Variants in MYL9 observed in about 807,000 individuals in gnomAD.
MYL9 encodes myosin regulatory light polypeptide 9.
MYL9 carries 7 observed loss-of-function variants against 12.8 expected under a neutral mutation model. The observed-to-expected ratio is 0.55, with a 90% CI of 0.31 to 1.03. The LOEUF (loss-of-function observed/expected upper bound fraction) is 1.03. Ranked by LOEUF, MYL9 falls within the 50% of genes least tolerant of loss-of-function variation. The pLI is 0.05. For synonymous variants in MYL9, 81 were observed against 87.8 expected, an observed-to-expected ratio of 0.92 and a Z score of 0.43; for missense variants, 190 against 242.7, an observed-to-expected ratio of 0.78 and a Z score of 1.44.
intron 1 of MYL9, among the ~76,000 whole-genome samples, chr20:36,541,909 CA>C (rs1299069431): frequency 1.3e-4 from 20 of 152,092 alleles, no homozygotes; most frequent in Admixed American, 1.3e-3. Context: ...AGCCCGGGTA[CA>C]AGGGTGCTGG....
At chr20:36,545,961 A>C (rs1569529636) in intron 2 of MYL9, among the ~76,000 whole-genome samples, 3 of 152,164 alleles carry the variant, frequency 2.0e-5, no homozygotes. Context: ...CATCTAAATG[A>C]AAGTGTGAAC....
intron 2 of MYL9, among the ~76,000 whole-genome samples, chr20:36,546,318 G>A (rs2038099407): frequency 6.6e-6 from 1 of 152,206 alleles, no homozygotes; most frequent in South Asian, 2.1e-4. Context: ...CACTGCCTGG[G>A]GGAGGGAGAG....
chr20:36,546,770 C>T (rs914410370), intron 2 of MYL9, among the ~76,000 whole-genome samples: 4 of 152,110 alleles, frequency 2.6e-5, no homozygotes, highest in African/African-American at 4.8e-5. Context: ...CCACCATGCC[C>T]GGCTAATTTT....
chr20:36,541,977 A>T (rs2038042464), intron 1 of MYL9, among the ~76,000 whole-genome samples: 1 of 151,986 alleles, frequency 6.6e-6, no homozygotes, highest in Non-Finnish European at 1.5e-5. Flanking sequence ...TGTGTCACAG[A>T]TGGAGAAACA....
rs752393087 is a variant in MYL9, at chr20:36,544,880, C to T, written c.-5C>T. 3.1e-6 allele frequency: 5 copies of T among 1,611,862 alleles called. No individual in the cohort carries two copies. Among genetic ancestry groups the T allele is most frequent in the East Asian group, 2.2e-5 (1 of 44,850 alleles). On this transcript the variant is annotated 5_prime_UTR_variant, in exon 2 of 4. Transcript: ENST00000279022. ...GCAGGGAAGCCCCACCCACCAGAAGCCAAGATGTCCAGCAAGCGGGCCAAA... is the reference window on the plus strand; with the variant it reads ...GCAGGGAAGCCCCACCCACCAGAAGTCAAGATGTCCAGCAAGCGGGCCAAA...
At chr20:36,545,157 C>T (rs779526834) in intron 2 of MYL9, 89 bp downstream of exon 2, 25 of 1,409,536 alleles carry the variant, frequency 1.8e-5, no homozygotes, top group Middle Eastern at 1.9e-4. Context: ...TAGTGAGACG[C>T]GTGGTGTCCA....
At chr20:36,545,223 C>G (rs376771874) in intron 2 of MYL9, among the ~76,000 whole-genome samples, 155 bp downstream of exon 2, 2 of 152,188 alleles carry the variant, frequency 1.3e-5, no homozygotes, top group African/African-American at 4.8e-5. Context: ...CTGGGCCGGG[C>G]GCGGTGGCTC....
At chr20:36,545,746 T>C (rs370057439) in intron 2 of MYL9, among the ~76,000 whole-genome samples, 22 of 151,584 alleles carry the variant, frequency 1.5e-4, no homozygotes, top group East Asian at 5.9e-4. Context: ...CTGGCTAACA[T>C]GGTGAAACCC....
At chr20:36,547,916 T>TAC in intron 2 of MYL9, 116 bp from the exon 3 acceptor site, 1 of 1,270,098 alleles carries the variant, frequency 7.9e-7, no homozygotes, top group Non-Finnish European at 1.1e-6. Flanking sequence ...CAAAACCCAC[T>TAC]ACCTCCCGTC....
chr20:36,544,779 C>A, intron 1 of MYL9, 80 bp from the exon 2 acceptor site: 1 of 1,282,398 alleles, frequency 7.8e-7, no homozygotes. Context: ...GGCCGAAGTG[C>A]TAAAAGCCAG....
chr20:36,544,848 C>G lies in MYL9; in HGVS notation c.-26-11C>G. ...GTCACAGGGCCACCCAACCCCCACC[C>G]CTTCCTGCAGGGAAGCCCCACCCAC... On this transcript the variant is annotated splice_polypyrimidine_tract_variant and intron_variant, in intron 1 of 3. Transcript: ENST00000279022. 6.3e-7 allele frequency: 1 copy of G among 1,585,086 alleles called. No homozygotes were observed. The highest frequency in any genetic ancestry group is 8.6e-7 in the Non-Finnish European group (1 of 1,160,380).
Position 36,548,174 on chromosome 20 carries a change from C to T in MYL9, c.327C>T (p.Cys109=). ...ATGTGATTCGCAACGCCTTTGCCTG[C>T]TTCGACGAGGAAGCCTCAGGTCCGT... The part of the protein sequence containing the change: ...PEDVIRNAFA[C]FDEEASGFIH... Residue 109 remains cysteine (C), a synonymous_variant, in exon 3 of 4, where the codon TGC becomes TGT. Transcript: ENST00000279022. 4 of 1,612,114 alleles carry T rather than the reference C, an allele frequency of 2.5e-6. No homozygotes were observed. The highest frequency in any genetic ancestry group is 3.4e-6 in the Non-Finnish European group (4 of 1,178,738).
Position 36,546,613 on chromosome 20 carries a change from G to A in MYL9, c.185-1419G>A, listed in dbSNP as rs1600747524. Among the ~76,000 whole-genome samples the A allele has an allele frequency of 4.0e-5, 6 of 151,840 alleles. 1 individual carries two copies. In the South Asian group the frequency reaches 1.3e-3, roughly 32 times the overall value. On this transcript the variant is annotated intron_variant, in intron 2 of 3. Coordinates refer to ENST00000279022, the MANE Select transcript of MYL9 (RefSeq NM_006097.5). Reference sequence around the variant, plus strand: ...TCACCTGGCAGGAAGTAAACTCCAGGGTTCTTTTTTTTTCCCCCCGAGACA... The same window carrying A: ...TCACCTGGCAGGAAGTAAACTCCAGAGTTCTTTTTTTTTCCCCCCGAGACA...
chr20:36,549,002 G>A (rs2038137379), intron 3 of MYL9, 75 bp from the exon 4 acceptor site: 5 of 1,449,082 alleles, frequency 3.5e-6, no homozygotes, highest in Admixed American at 4.0e-5. Flanking sequence ...GAGCTGCCAG[G>A]GGGCTGAGGG....
intron 2 of MYL9, among the ~76,000 whole-genome samples, chr20:36,545,995 G>A (rs968053990): frequency 6.6e-6 from 1 of 152,190 alleles, no homozygotes; most frequent in Admixed American, 6.5e-5. Context: ...CTGCACAGAT[G>A]GGGAAACTGA....
intron 1 of MYL9, among the ~76,000 whole-genome samples, chr20:36,544,390 G>A (rs925076646): frequency 6.6e-6 from 1 of 152,108 alleles, no homozygotes; most frequent in Admixed American, 6.5e-5. Flanking sequence ...CTGGATGGCA[G>A]CCCAGGAGAG....
At chr20:36,545,790 G>A (rs1033246077) in intron 2 of MYL9, among the ~76,000 whole-genome samples, 1 of 152,054 alleles carries the variant, frequency 6.6e-6, no homozygotes, top group East Asian at 1.9e-4. Context: ...TTAGCTGGGC[G>A]TGGTGGCGGG....
chr20:36,548,055 C>G lies in MYL9; in HGVS notation c.208C>G (p.Leu70Val). 6.2e-7 allele frequency: 1 copy of G among 1,612,754 alleles called. No individual in the cohort carries two copies. Among genetic ancestry groups the G allele is most frequent in the Non-Finnish European group, 8.5e-7 (1 of 1,179,166 alleles). The change falls in exon 3 of 4, where the codon CTG becomes GTG. Residue 70 changes from leucine to valine, a missense_variant. By Grantham distance (32) the Leu-to-Val change is conservative (BLOSUM62 1). Coordinates refer to ENST00000279022, the MANE Select transcript of MYL9 (RefSeq NM_006097.5). ...SLGKNPTDEY[L>V]EGMMSEAPGP... ...AGGGAAGAACCCCACAGACGAATAC[C>G]TGGAGGGCATGATGAGCGAGGCCCC...
intron 2 of MYL9, among the ~76,000 whole-genome samples, chr20:36,546,546 G>A (rs1038654337): frequency 1.1e-4 from 16 of 152,050 alleles, no homozygotes; most frequent in Non-Finnish European, 8.8e-5. Context: ...ACCTCTCCCC[G>A]CTTCTGGCCA....
Sources: allele counts gnomAD v4.1 joint callset (sites outside exome capture counted in the v4.1 genomes callset), GRCh38; gene constraint gnomAD v4.1.1; transcripts MANE v1.5; gene names NCBI Gene and HGNC (gene_info 2026-07-23, HGNC 2026-07-21).